The following RAB31 variants were observed in gnomAD, a reference collection of about 807,000 sequenced individuals.
RAB31 encodes the protein ras-related protein Rab-31.
RAB31 carries 21 observed loss-of-function variants against 25.6 expected under a neutral mutation model. The ratio of observed to expected loss-of-function variants is 0.82; its 90% CI spans 0.58 to 1.18. The LOEUF is 1.18. RAB31 is among the 50% of genes most tolerant of loss of function. RAB31 has a pLI of 0.00. For synonymous variants in RAB31, 87 were observed against 84.0 expected (o/e 1.04, Z -0.20); for missense variants, 196 against 250.1 (o/e 0.78, Z 1.46).
intron 3 of RAB31, among the ~76,000 whole-genome samples, chr18:9,792,802 G>C (rs189841884): frequency 2.6e-5 from 4 of 152,208 alleles, no homozygotes; most frequent in Non-Finnish European, 5.9e-5. Context: ...GGCAAGGGCT[G>C]GTGTCAGCCC....
chr18:9,811,415 A>G (rs868151925), intron 3 of RAB31, among the ~76,000 whole-genome samples: 2 of 152,198 alleles, frequency 1.3e-5, no homozygotes, highest in Non-Finnish European at 2.9e-5. Context: ...TCCAAATACC[A>G]TCATTTCAGT....
At chr18:9,821,151 A>G (rs544514518) in intron 5 of RAB31, among the ~76,000 whole-genome samples, 59 of 152,080 alleles carry the variant, frequency 3.9e-4, no homozygotes, top group African/African-American at 1.4e-3. Context: ...GCAATTCCCA[A>G]ATTTTGACTT....
chr18:9,808,607 CTCTT>C (rs2068554115), intron 3 of RAB31, among the ~76,000 whole-genome samples: 1 of 152,248 alleles, frequency 6.6e-6, no homozygotes, highest in Non-Finnish European at 1.5e-5. Flanking sequence ...TACCCCTTCT[CTCTT>C]TGTTTGAATC....
In RAB31 at chr18:9,862,199, G is replaced by A. The variant is rs75957666; in HGVS notation, c.*2874G>A. ...GCTCCAGTTCTCACTGTTCTGCAAT[G>A]CTCATGGCAAGTTGAATGGTGAGCT... On this transcript the variant is annotated 3_prime_UTR_variant, in exon 7 of 7. Transcript: ENST00000578921. 0.047 allele frequency: 7,130 copies of A among 152,312 alleles called. 201 individuals are homozygous for A. Among genetic ancestry groups the A allele is most frequent in the East Asian group, 0.099 (510 of 5,174 alleles). 9.4% of individuals were successfully genotyped at this position (152,312 alleles called of 1,614,324 possible).
At chr18:9,724,807 T>A (rs2068089772) in intron 1 of RAB31, among the ~76,000 whole-genome samples, 1 of 152,210 alleles carries the variant, frequency 6.6e-6, no homozygotes, top group African/African-American at 2.4e-5. Flanking sequence ...TGAGTATAAC[T>A]CATGTGCCAG....
At chr18:9,833,644 C>T (rs1446907647) in intron 5 of RAB31, among the ~76,000 whole-genome samples, 3 of 152,168 alleles carry the variant, frequency 2.0e-5, no homozygotes, top group Non-Finnish European at 4.4e-5. Context: ...GGCACATACA[C>T]GATTTCCACA....
chr18:9,820,436 C>A (rs2068619214), intron 5 of RAB31, among the ~76,000 whole-genome samples: 1 of 151,966 alleles, frequency 6.6e-6, no homozygotes, highest in Admixed American at 6.6e-5. Context: ...TGTCTATATT[C>A]ATAAAGGGTT....
chr18:9,817,086 C>T (rs537426349), intron 5 of RAB31, among the ~76,000 whole-genome samples: 8 of 152,164 alleles, frequency 5.3e-5, no homozygotes, highest in South Asian at 2.1e-4. Context: ...TATCTCCCTT[C>T]GTTACTGTAA....
intron 1 of RAB31, among the ~76,000 whole-genome samples, chr18:9,726,903 C>A (rs574093084): frequency 2.5e-3 from 382 of 152,220 alleles, no homozygotes; most frequent in South Asian, 5.8e-3. Flanking sequence ...CCCTGTTCCC[C>A]CTTCCAAGCA....
chr18:9,769,233 A>G (rs1370483926), intron 1 of RAB31, among the ~76,000 whole-genome samples: 1 of 152,206 alleles, frequency 6.6e-6, no homozygotes, highest in Non-Finnish European at 1.5e-5. Flanking sequence ...TCTGTGAAGA[A>G]AGTCATTGGT....
At chr18:9,808,067 A>C (rs955327768) in intron 3 of RAB31, among the ~76,000 whole-genome samples, 3 of 152,198 alleles carry the variant, frequency 2.0e-5, no homozygotes, top group Non-Finnish European at 2.9e-5. Context: ...TTTCTGCTAA[A>C]TGAGGCTTGC....
At chr18:9,717,492 C>T (rs2068050610) in intron 1 of RAB31, among the ~76,000 whole-genome samples, 1 of 152,108 alleles carries the variant, frequency 6.6e-6, no homozygotes, top group Non-Finnish European at 1.5e-5. Flanking sequence ...CTTCTTTGAA[C>T]AGGATGTCAC....
intron 1 of RAB31, among the ~76,000 whole-genome samples, chr18:9,756,340 G>T (rs2068260379): frequency 6.6e-6 from 1 of 152,136 alleles, no homozygotes; most frequent in African/African-American, 2.4e-5. Context: ...TAAGTTGTGG[G>T]CAGACTGTAA....
chr18:9,723,815 C>T (rs2145460328), intron 1 of RAB31: 1 of 152,300 alleles, frequency 6.6e-6, no homozygotes, highest in East Asian at 1.9e-4. Flanking sequence ...AACTCACCCA[C>T]CCCAGTGGAA....
Position 9,811,928 on chromosome 18 carries a change from A to G in RAB31, c.202-2092A>G, listed in dbSNP as rs569724151. On this transcript the variant is annotated intron_variant, in intron 3 of 6. Transcript: ENST00000578921. The stretch of plus-strand genomic sequence containing the variant: ...TGTATTAATCTGTGCACAAAATAAC[A>G]TAGACTGGGTGGCTTAAACAACACA... Among the ~76,000 whole-genome samples the G allele has an allele frequency of 3.9e-4, 59 of 152,366 alleles. 1 individual carries two copies. The South Asian group carries it at 0.012, about 30-fold the overall frequency.
intron 1 of RAB31, among the ~76,000 whole-genome samples, chr18:9,769,365 T>C (rs544310935): frequency 6.6e-6 from 1 of 152,350 alleles, no homozygotes; most frequent in East Asian, 1.9e-4. Context: ...TCCTCTCTTA[T>C]TTCGTTGAGT....
intron 1 of RAB31, among the ~76,000 whole-genome samples, chr18:9,726,815 G>A (rs1012259473): frequency 2.6e-5 from 4 of 151,956 alleles, no homozygotes; most frequent in Non-Finnish European, 5.9e-5. Context: ...TTTAATGCAC[G>A]ATGGACTTTC....
At chr18:9,853,963 CTT>C (rs11376519) in intron 6 of RAB31, among the ~76,000 whole-genome samples, 10 of 130,830 alleles carry the variant, frequency 7.6e-5, no homozygotes, top group Non-Finnish European at 1.1e-4. Flanking sequence ...CTTTTCTTTT[CTT>C]TTTTTTTTTT....
chr18:9,811,639 A>G (rs1478850591), intron 3 of RAB31, among the ~76,000 whole-genome samples: 1 of 152,194 alleles, frequency 6.6e-6, no homozygotes, highest in African/African-American at 2.4e-5. Context: ...TTGTAAGGAA[A>G]ATGTAAAAAT....
Sources: gnomAD v4.1 joint callset for allele counts (sites outside exome capture counted in the v4.1 genomes callset) on GRCh38, gnomAD v4.1.1 for gene constraint, MANE v1.5 for transcripts, NCBI Gene and HGNC (gene_info 2026-07-23, HGNC 2026-07-21) for gene names.